PRKG1: variants seen among roughly 807,000 people sequenced by gnomAD.
The protein encoded by PRKG1 is cGMP-dependent protein kinase 1.
In PRKG1, 35 loss-of-function variants were observed where a neutral mutation model predicts 88.1. That is an observed-to-expected ratio of 0.40 (90% CI 0.30 to 0.53). The LOEUF (loss-of-function observed/expected upper bound fraction) is 0.53. PRKG1 is among the 20% of genes least tolerant of loss of function. PRKG1 has a pLI of 0.59. For synonymous variants in PRKG1, 303 were observed against 292.5 expected, an observed-to-expected ratio of 1.04 and a Z score of -0.37; for missense variants, 540 against 839.8, an observed-to-expected ratio of 0.64 and a Z score of 4.41.
At chr10:51,180,272 T>C (rs944041561) in intron 2 of PRKG1, among the ~76,000 whole-genome samples, 2 of 152,212 alleles carry the variant, frequency 1.3e-5, no homozygotes, top group African/African-American at 2.4e-5. Context: ...TCTCTGTACA[T>C]GTAAGGGCTG....
At chr10:52,149,534 T>TG (rs1263907689) in intron 8 of PRKG1, among the ~76,000 whole-genome samples, 10 of 152,188 alleles carry the variant, frequency 6.6e-5, no homozygotes, top group Non-Finnish European at 1.3e-4. Flanking sequence ...CCTGTGGGAC[T>TG]GGAGTCCTTG....
chr10:51,919,898 G>A (rs1479908552), intron 5 of PRKG1, among the ~76,000 whole-genome samples: 1 of 152,068 alleles, frequency 6.6e-6, no homozygotes, highest in Non-Finnish European at 1.5e-5. Context: ...AATTATGCCT[G>A]GTACTTATTA....
At chr10:51,892,770 T>A (rs995483130) in intron 4 of PRKG1, among the ~76,000 whole-genome samples, 1 of 152,188 alleles carries the variant, frequency 6.6e-6, no homozygotes, top group African/African-American at 2.4e-5. Flanking sequence ...AGATGTGTGC[T>A]GTCCCAAATG....
intron 8 of PRKG1, among the ~76,000 whole-genome samples, chr10:52,159,788 T>C (rs1011749191): frequency 3.3e-5 from 5 of 151,892 alleles, no homozygotes; most frequent in African/African-American, 1.2e-4. Context: ...AAAAACTACT[T>C]GAACTCTCAG....
intron 3 of PRKG1, among the ~76,000 whole-genome samples, chr10:51,561,618 G>T (rs1012992837): frequency 6.6e-6 from 1 of 152,068 alleles, no homozygotes; most frequent in African/African-American, 2.4e-5. Flanking sequence ...GATCGATACA[G>T]GTTTAAAGGA....
chr10:52,115,862 T>C (rs560683845), intron 7 of PRKG1, among the ~76,000 whole-genome samples: 1 of 152,292 alleles, frequency 6.6e-6, no homozygotes, highest in African/African-American at 2.4e-5. Flanking sequence ...GGATACCTGG[T>C]TAAATTTGAA....
At chr10:51,056,847 C>G (rs1843631590) in intron 1 of PRKG1, among the ~76,000 whole-genome samples, 1 of 152,194 alleles carries the variant, frequency 6.6e-6, no homozygotes, top group Non-Finnish European at 1.5e-5. Context: ...CTACATTGTA[C>G]TTTTCCTTAT....
At chr10:51,736,170 C>A (rs1271124922) in intron 3 of PRKG1, among the ~76,000 whole-genome samples, 2 of 151,578 alleles carry the variant, frequency 1.3e-5, no homozygotes, top group Non-Finnish European at 2.9e-5. Flanking sequence ...GAGATTACTG[C>A]CGTGAGTCAC....
intron 2 of PRKG1, among the ~76,000 whole-genome samples, chr10:51,247,472 C>T (rs1323699187): frequency 6.6e-6 from 1 of 151,916 alleles, no homozygotes; most frequent in African/African-American, 2.4e-5. Flanking sequence ...GGAAAAAATT[C>T]AGAGTAAACA....
intron 3 of PRKG1, among the ~76,000 whole-genome samples, chr10:51,732,265 T>G (rs1335366214): frequency 6.6e-6 from 1 of 152,164 alleles, no homozygotes; most frequent in East Asian, 1.9e-4. Context: ...CAAGTTGGAT[T>G]AGGGTCTACT....
At chr10:52,032,951 AG>A (rs1845507244) in intron 5 of PRKG1, among the ~76,000 whole-genome samples, 1 of 152,178 alleles carries the variant, frequency 6.6e-6, no homozygotes, top group South Asian at 2.1e-4. Context: ...GCAGTATGGA[AG>A]GAAGTCTTTA....
intron 3 of PRKG1, among the ~76,000 whole-genome samples, chr10:51,746,151 A>C (rs1031695503): frequency 2.0e-5 from 3 of 152,282 alleles, no homozygotes; most frequent in African/African-American, 7.2e-5. Context: ...GCATGGCCTG[A>C]ATACAATCTT....
In PRKG1 at chr10:51,549,787, G is replaced by A. The variant is rs142525197; in HGVS notation, c.592+81951G>A. On this transcript the variant is annotated intron_variant, in intron 3 of 17. Coordinates refer to ENST00000373980, the MANE Select transcript of PRKG1 (RefSeq NM_006258.4). ...AAGGTTTTGCCAGTTTATGTCAAGT[G>A]GCCTTATTGACTTTTTTGAGAGCAG... Among the ~76,000 whole-genome samples the A allele has an allele frequency of 3.7e-3, 561 of 152,138 alleles. 6 individuals carry two copies. Among genetic ancestry groups the A allele is most frequent in the African/African-American group, 0.013 (528 of 41,522 alleles).
At chr10:51,928,942 C>T (rs889578828) in intron 5 of PRKG1, among the ~76,000 whole-genome samples, 11 of 152,178 alleles carry the variant, frequency 7.2e-5, no homozygotes, top group Admixed American at 4.6e-4. Context: ...CTTGGCCACT[C>T]ACTCTTTACC....
intron 2 of PRKG1, among the ~76,000 whole-genome samples, chr10:51,383,161 C>A (rs543516486): frequency 6.6e-6 from 1 of 152,040 alleles, no homozygotes; most frequent in African/African-American, 2.4e-5. Context: ...CTGAACAACA[C>A]CAAAGTCTTG....
intron 3 of PRKG1, among the ~76,000 whole-genome samples, chr10:51,512,799 A>C (rs1351064411): frequency 1.7e-4 from 12 of 69,754 alleles, no homozygotes; most frequent in African/African-American, 6.3e-4. Flanking sequence ...GAACTAGTTT[A>C]CAGTCCCACC....
intron 2 of PRKG1, among the ~76,000 whole-genome samples, chr10:51,457,284 G>A (rs1277888148): frequency 3.3e-5 from 5 of 152,196 alleles, no homozygotes; most frequent in Admixed American, 6.5e-5. Flanking sequence ...CAGCAACCTG[G>A]ATGGAGTTGG....
chr10:51,808,160 G>C (rs1472457464), intron 4 of PRKG1, among the ~76,000 whole-genome samples: 5 of 152,088 alleles, frequency 3.3e-5, no homozygotes, highest in African/African-American at 1.2e-4. Flanking sequence ...CTCCCTGTTT[G>C]TTGTTGCTTT....
chr10:52,155,382 T>A (rs1168340621), intron 8 of PRKG1, among the ~76,000 whole-genome samples: 3 of 152,006 alleles, frequency 2.0e-5, no homozygotes, highest in Non-Finnish European at 4.4e-5. Flanking sequence ...TAAGCTAATG[T>A]TTGTCACCAA....
Sources: allele counts gnomAD v4.1 joint callset (sites outside exome capture counted in the v4.1 genomes callset), GRCh38; gene constraint gnomAD v4.1.1; transcripts MANE v1.5; gene names NCBI Gene and HGNC (gene_info 2026-07-23, HGNC 2026-07-21).